The following TMEM217B variants were observed in gnomAD, a reference collection of about 807,000 sequenced individuals.
TMEM217B encodes the protein putative transmembrane protein 217B.
chr6:37,245,439 C>T, the TMEM217B span, among the ~76,000 whole-genome samples: 1 of 152,252 alleles, frequency 6.6e-6, no homozygotes, highest in Non-Finnish European at 1.5e-5. Context: ...TTCTTTGCAT[C>T]ACAAACTCCT....
At chr6:37,255,055 C>A in the TMEM217B span, among the ~76,000 whole-genome samples, 2 of 152,108 alleles carry the variant, frequency 1.3e-5, no homozygotes, top group Non-Finnish European at 2.9e-5. Context: ...ATTGCATGCC[C>A]ACCCGCCACT....
chr6:37,239,238 C>T, the TMEM217B span, among the ~76,000 whole-genome samples: 2 of 152,130 alleles, frequency 1.3e-5, no homozygotes, highest in African/African-American at 2.4e-5. Context: ...CCTATAATTC[C>T]AGCAGTTTGG....
At chr6:37,220,086 G>A in the TMEM217B span, among the ~76,000 whole-genome samples, 1 of 152,278 alleles carries the variant, frequency 6.6e-6, no homozygotes, top group East Asian at 1.9e-4. Flanking sequence ...CTATACAAAA[G>A]TAGGAGGAAG....
At chr6:37,215,241 C>T in the TMEM217B span, 3 of 1,613,948 alleles carry the variant, frequency 1.9e-6, no homozygotes, top group Non-Finnish European at 1.7e-6. Flanking sequence ...GGGGGCTGAG[C>T]TTGGCACTGG....
At chr6:37,242,279 C>T in the TMEM217B span, among the ~76,000 whole-genome samples, 2 of 152,206 alleles carry the variant, frequency 1.3e-5, no homozygotes, top group Admixed American at 6.5e-5. Flanking sequence ...GAGTCAAACA[C>T]AGGCCCCCAC....
At chr6:37,245,640 A>G in the TMEM217B span, among the ~76,000 whole-genome samples, 31 of 152,170 alleles carry the variant, frequency 2.0e-4, no homozygotes, top group African/African-American at 7.5e-4. Context: ...GATTTATATC[A>G]TGGGCAGCAA....
At chr6:37,257,009 T>C in the TMEM217B span, among the ~76,000 whole-genome samples, 1 of 152,222 alleles carries the variant, frequency 6.6e-6, no homozygotes, top group Non-Finnish European at 1.5e-5. Flanking sequence ...ATTAAGGATG[T>C]TGGTGGGGCC....
chr6:37,212,613 A>T, the TMEM217B span: 2 of 497,006 alleles, frequency 4.0e-6, no homozygotes, highest in African/African-American at 3.9e-5. Flanking sequence ...AGTGCAAATA[A>T]CTCAGCGTCT....
the TMEM217B span, among the ~76,000 whole-genome samples, chr6:37,225,008 A>AT: frequency 6.7e-6 from 1 of 149,978 alleles, no homozygotes; most frequent in Non-Finnish European, 1.5e-5. Context: ...GCCCATCTCT[A>AT]TAAAAAAAAA....
chr6:37,216,032 T>TGTGTGTGA, the TMEM217B span, among the ~76,000 whole-genome samples: 8 of 138,564 alleles, frequency 5.8e-5, no homozygotes, highest in African/African-American at 2.1e-4. Context: ...TGTGTGTGTG[T>TGTGTGTGA]GAGAAACAGA....
At chr6:37,257,147 T>G in the TMEM217B span, among the ~76,000 whole-genome samples, 4 of 152,214 alleles carry the variant, frequency 2.6e-5, no homozygotes, top group Non-Finnish European at 5.9e-5. Flanking sequence ...ACTGTTAGCA[T>G]AGTCAGAAAG....
At chr6:37,214,231 C>T in the TMEM217B span, among the ~76,000 whole-genome samples, 1 of 152,184 alleles carries the variant, frequency 6.6e-6, no homozygotes, top group Non-Finnish European at 1.5e-5. Context: ...TCCTTTCTCT[C>T]TCTCTCTCTC....
the TMEM217B span, among the ~76,000 whole-genome samples, chr6:37,221,637 A>C: frequency 5.3e-5 from 8 of 152,248 alleles, no homozygotes; most frequent in Admixed American, 2.0e-4. Context: ...ATGAAGAAAC[A>C]GGAAACCATA....
chr6:37,214,202 G>A, the TMEM217B span, among the ~76,000 whole-genome samples: 23 of 152,224 alleles, frequency 1.5e-4, no homozygotes, highest in Middle Eastern at 3.4e-3. Flanking sequence ...CAAGCATATC[G>A]CTATCCATCT....
At chr6:37,230,749 A>C in the TMEM217B span, among the ~76,000 whole-genome samples, 1 of 152,196 alleles carries the variant, frequency 6.6e-6, no homozygotes, top group Non-Finnish European at 1.5e-5. Flanking sequence ...GCCCTAGCAA[A>C]CCAATAAAGG....
chr6:37,213,138 T>C, the TMEM217B span: 2 of 641,672 alleles, frequency 3.1e-6, no homozygotes, highest in African/African-American at 3.7e-5. Context: ...TTAAGGGACA[T>C]GGGGTCTGGC....
the TMEM217B span, among the ~76,000 whole-genome samples, chr6:37,222,246 C>T: frequency 4.5e-3 from 682 of 152,340 alleles, 4 homozygotes; most frequent in African/African-American, 0.015. Context: ...TCTCCCTGGC[C>T]TGAGGGTGGG....
At chr6:37,218,639 C>A in the TMEM217B span, 2 of 1,614,108 alleles carry the variant, frequency 1.2e-6, no homozygotes, top group Admixed American at 1.7e-5. Context: ...AGACACCAAG[C>A]CAAACCAGCG....
chr6:37,217,939 C>G, the TMEM217B span: 12 of 986,748 alleles, frequency 1.2e-5, no homozygotes, highest in African/African-American at 1.9e-4. Context: ...ATCACAATAT[C>G]CTTTAACTAA....
Sources: gnomAD v4.1 joint callset for allele counts (sites outside exome capture counted in the v4.1 genomes callset) on GRCh38, gnomAD v4.1.1 for gene constraint, MANE v1.5 for transcripts, NCBI Gene and HGNC (gene_info 2026-07-23, HGNC 2026-07-21) for gene names.